Variants in ARID5A observed in about 807,000 individuals in gnomAD.
ARID5A encodes AT-rich interaction domain 5A.
A neutral mutation model predicts 30.5 loss-of-function variants in ARID5A; 14 were observed. The ratio of observed to expected loss-of-function variants is 0.46; its 90% CI spans 0.30 to 0.72. The LOEUF (loss-of-function observed/expected upper bound fraction) is 0.72. Ranked by LOEUF, ARID5A falls within the 30% of genes least tolerant of loss-of-function variation. The probability of loss-of-function intolerance (pLI) is 0.07; values close to 1 mark genes in which losing one functional copy is unlikely to be tolerated. For synonymous variants in ARID5A, 338 were observed against 340.4 expected (o/e 0.99, Z 0.08); for missense variants, 669 against 786.2 (o/e 0.85, Z 1.78).
At chr2:96,542,656 T>C (rs1426270097) in intron 1 of ARID5A, among the ~76,000 whole-genome samples, 4 of 152,236 alleles carry the variant, frequency 2.6e-5, no homozygotes, top group Non-Finnish European at 5.9e-5. Context: ...ATTATGCTCC[T>C]CCAGGTGATT....
In ARID5A at chr2:96,552,451, G is replaced by A; in HGVS notation, c.*138G>A. On this transcript the variant is annotated 3_prime_UTR_variant, in exon 7 of 7. Coordinates refer to ENST00000357485, the MANE Select transcript of ARID5A (RefSeq NM_212481.3). ...CCCCTGGCTGGGCAGCCTGGCACAA[G>A]TGAAGAAGAAGGCAGTGGGAAAACT... The A allele has an allele frequency of 6.5e-7, 1 of 1,547,270 alleles. No individual in the cohort carries two copies. The highest frequency in any genetic ancestry group is 1.2e-5 in the South Asian group (1 of 84,510).
In ARID5A at chr2:96,549,583, G is replaced by C. The variant is rs1258542589; in HGVS notation, c.259+124G>C. 2 of 1,484,312 alleles carry C rather than the reference G, an allele frequency of 1.3e-6. No homozygotes were observed. Among genetic ancestry groups the C allele is most frequent in the Non-Finnish European group, 1.9e-6 (2 of 1,079,152 alleles). 91.9% of individuals were successfully genotyped at this position (1,484,312 alleles called of 1,614,324 possible). On this transcript the variant is annotated intron_variant, in intron 3 of 6. Transcript: ENST00000357485. This position sits in a 1 kb window ranked among gnomAD's most constrained non-coding sequence, Gnocchi z 6.1. ...CAGATAGAAAGGAGGCCTCCCTCCA[G>C]GCTGCCACTGGGCCAGGGGTGCACA...
chr2:96,538,021 G>A (rs2065773038), intron 1 of ARID5A: 2 of 985,402 alleles, frequency 2.0e-6, no homozygotes, highest in African/African-American at 1.7e-5. Context: ...CAGGAGGGGT[G>A]GGAGGTCGGG....
At chr2:96,545,990 C>T (rs1288109112) in intron 1 of ARID5A, among the ~76,000 whole-genome samples, 1 of 151,956 alleles carries the variant, frequency 6.6e-6, no homozygotes, top group Non-Finnish European at 1.5e-5. Context: ...TGGCAAACTT[C>T]ATTGTTGTCT....
rs1378583345 is a variant in ARID5A at position 96,550,235 on chromosome 2, C to T, written c.360C>T (p.Gly120=). Residue 120 remains glycine, a synonymous_variant, in exon 5 of 7, where the codon GGC becomes GGT. Coordinates refer to ENST00000357485, the MANE Select transcript of ARID5A (RefSeq NM_212481.3). This position sits in a 1 kb window ranked among gnomAD's most constrained non-coding sequence, Gnocchi z 6.6. ...AGAACGTGTACGACGAGCTGGGGGG[C>T]AGCCCAGGCAGCACCAGCGCGGCCA... ...LWKNVYDELG[G]SPGSTSAATC... 6.6e-7 allele frequency: 1 copy of T among 1,524,012 alleles called. No individual in the cohort carries two copies. The highest frequency in any genetic ancestry group is 2.1e-5 in the Admixed American group (1 of 47,052). 94.4% of individuals were successfully genotyped at this position (1,524,012 alleles called of 1,614,324 possible). A position where few individuals can be genotyped will look rare whatever the true frequency, so the allele number is the denominator to read the frequency against.
Position 96,550,062 on chromosome 2 carries a change from CT to C in ARID5A, c.313-125del. The C allele has an allele frequency of 6.5e-7, 1 of 1,532,556 alleles. No individual in the cohort carries two copies. Among genetic ancestry groups the C allele is most frequent in the Non-Finnish European group, 8.7e-7 (1 of 1,145,792 alleles). The allele number at this position is 1,532,556 out of a possible 1,614,324, so 94.9% of individuals were successfully genotyped here. A position where few individuals can be genotyped will look rare whatever the true frequency, so the allele number is the denominator to read the frequency against. On this transcript the variant is annotated intron_variant, in intron 4 of 6. Transcript: ENST00000357485. The surrounding 1 kb of genome is among the most constrained non-coding windows in gnomAD (Gnocchi z 6.6). ...CCTAGGAGAGAGAATCGGCTGGCCG[CT>C]GCTGGAGCCGCAGAGCAGCTGCCAA...
Position 96,551,776 on chromosome 2 carries a change from C to A in ARID5A, c.1248C>A (p.Cys416Ter). 6.5e-7 allele frequency: 1 copy of A among 1,537,414 alleles called. No individual in the cohort carries two copies. The change falls in exon 7 of 7, where the codon TGC becomes TGA. Residue 416 changes from cysteine (C) to a stop codon, truncating the protein, a stop_gained. Transcript: ENST00000357485. LOFTEE classifies it low-confidence loss of function (END_TRUNC). Reference sequence around the variant, plus strand: ...TCCTCTACCCCAAGCCCAAAGCCTGCTGGGTGTCCCCCATGGCCAAGGTCC... The same window carrying A: ...TCCTCTACCCCAAGCCCAAAGCCTGATGGGTGTCCCCCATGGCCAAGGTCC... Reference protein sequence around the residue: ...KGILYPKPKACWVSPMAKVPA... With the variant: ...KGILYPKPKA
rs367843863 is a variant in ARID5A at position 96,551,092 on chromosome 2, A to G, written c.571-7A>G. The G allele has an allele frequency of 1.9e-4, 309 of 1,603,682 alleles. 1 individual carries two copies. In the Middle Eastern group the frequency reaches 3.3e-3, roughly 17 times the overall value. ...CAGTCCTGAGGCAAGACTTTCTCTC[A>G]TTCCAGATGATGCCAGGAAAGACCA... On this transcript the variant is annotated splice_region_variant and splice_polypyrimidine_tract_variant and intron_variant, in intron 6 of 6. Coordinates refer to ENST00000357485, the MANE Select transcript of ARID5A (RefSeq NM_212481.3).
chr2:96,544,805 T>C (rs2065898852), intron 1 of ARID5A, among the ~76,000 whole-genome samples: 1 of 152,234 alleles, frequency 6.6e-6, no homozygotes, highest in Non-Finnish European at 1.5e-5. Flanking sequence ...GTAGCTGCCA[T>C]AGATAGTGAT....
rs190947547 is a variant in ARID5A at position 96,548,733 on chromosome 2, C to T, written c.121-588C>T. On this transcript the variant is annotated intron_variant, in intron 2 of 6. Coordinates refer to ENST00000357485, the MANE Select transcript of ARID5A (RefSeq NM_212481.3). ...CAGCAGAGATTGCCCCTCTGGGACC[C>T]GCAACCAAAAGTCCTGTGCCCCTGA... is the stretch of plus-strand genomic sequence containing the variant. 4.5e-3 allele frequency among the ~76,000 whole-genome samples: 685 copies of T among 152,324 alleles called. 5 individuals carry two copies. The highest frequency in any genetic ancestry group is 7.8e-3 in the Non-Finnish European group (529 of 68,034).
Position 96,552,395 on chromosome 2 carries a change from A to G in ARID5A, c.*82A>G, listed in dbSNP as rs773701014. The G allele has an allele frequency of 1.3e-6, 2 of 1,589,862 alleles. No homozygotes were observed. Among genetic ancestry groups the G allele is most frequent in the African/African-American group, 1.4e-5 (1 of 73,958 alleles). On this transcript the variant is annotated 3_prime_UTR_variant, in exon 7 of 7. Coordinates refer to ENST00000357485, the MANE Select transcript of ARID5A (RefSeq NM_212481.3). ...TACTGCTGCCAGGGGGCTCTGAACT[A>G]GTGCCTGCTACCCAGGACACCCGGG...
Position 96,547,508 on chromosome 2 carries a change from C to T in ARID5A, c.111C>T (p.Ile37=). 1 of 1,613,998 alleles carries T rather than the reference C, an allele frequency of 6.2e-7. No homozygotes were observed. Among genetic ancestry groups the T allele is most frequent in the Non-Finnish European group, 8.5e-7 (1 of 1,179,950 alleles). Residue 37 remains isoleucine (I), a synonymous_variant, in exon 2 of 7, where the codon ATC becomes ATT. Coordinates refer to ENST00000357485, the MANE Select transcript of ARID5A (RefSeq NM_212481.3). The part of the protein sequence containing the change: ...AGKQNGIQNP[I]SLEDSPEAGG... ...AGCAGAACGGAATCCAGAACCCCAT[C>T]TCGCTGGAGGTGAGTTGACTCCCTC...
rs569153288 is a variant in ARID5A at position 96,552,475 on chromosome 2, C to T, written c.*162C>T. ...AGTGAAGAAGAAGGCAGTGGGAAAA[C>T]TGGGTTTATCTCAAGGCAGCAGCCT... On this transcript the variant is annotated 3_prime_UTR_variant, in exon 7 of 7. Transcript: ENST00000357485. 162 of 1,538,764 alleles carry T rather than the reference C, an allele frequency of 1.1e-4. No homozygotes were observed. In the African/African-American group the frequency reaches 2.0e-3, roughly 19 times the overall value.
chr2:96,551,861 C>T lies in ARID5A; in HGVS notation c.1333C>T (p.Arg445Cys), dbSNP rs773876068. 13 of 1,591,658 alleles carry T rather than the reference C, an allele frequency of 8.2e-6. No homozygotes were observed. The highest frequency in any genetic ancestry group is 1.1e-5 in the South Asian group (1 of 88,522). ...CAGTAGCCCAGGCCTGGGCAGCAAGCGCAGCCTGGAGGAAGAGGGTGCTGC... is the reference window on the plus strand; with the variant it reads ...CAGTAGCCCAGGCCTGGGCAGCAAGTGCAGCCTGGAGGAAGAGGGTGCTGC... Reference protein sequence around the residue: ...FPSSPGLGSKRSLEEEGAAHS... With the variant: ...FPSSPGLGSKCSLEEEGAAHS... Residue 445 changes from arginine to cysteine, a missense_variant, in exon 7 of 7, where the codon CGC (arginine) becomes TGC (cysteine). This residue lies in a region of ARID5A where 548 missense variants were observed against 577.4 expected (regional missense o/e 0.95). Transcript: ENST00000357485.
At chr2:96,547,305 A>C (rs763701207) in intron 1 of ARID5A, 97 bp from the exon 2 acceptor site, 10 of 1,069,424 alleles carry the variant, frequency 9.4e-6, no homozygotes, top group Non-Finnish European at 1.4e-5. Flanking sequence ...GGCAACTCCA[A>C]TTGGGAGTAG....
At chr2:96,544,657 A>C (rs1175900686) in intron 1 of ARID5A, among the ~76,000 whole-genome samples, 1 of 152,236 alleles carries the variant, frequency 6.6e-6, no homozygotes, top group African/African-American at 2.4e-5. Flanking sequence ...CCGGTCATGC[A>C]AGAGCGCTGA....
Position 96,550,493 on chromosome 2 carries a change from A to AGGGGGCTCAGAGGAGGCTAC in ARID5A, c.411-80_411-61dup. 6.7e-7 allele frequency: 1 copy of AGGGGGCTCAGAGGAGGCTAC among 1,482,806 alleles called. No homozygotes were observed. Among genetic ancestry groups the AGGGGGCTCAGAGGAGGCTAC allele is most frequent in the Non-Finnish European group, 9.0e-7 (1 of 1,113,008 alleles). The allele number at this position is 1,482,806 out of a possible 1,614,324, so 91.9% of individuals were successfully genotyped here. A position where few individuals can be genotyped will look rare whatever the true frequency, so the allele number is the denominator to read the frequency against. On this transcript the variant is annotated intron_variant, in intron 5 of 6. Coordinates refer to ENST00000357485, the MANE Select transcript of ARID5A (RefSeq NM_212481.3). This position sits in a 1 kb window ranked among gnomAD's most constrained non-coding sequence, Gnocchi z 6.6. Reference sequence around the variant, plus strand: ...GGGCCTTCCTCGGCGCCGGCGGGGAAGGGGGCTCAGAGGAGGCTACAGAGG... The same window carrying AGGGGGCTCAGAGGAGGCTAC: ...GGGCCTTCCTCGGCGCCGGCGGGGAAGGGGGCTCAGAGGAGGCTACGGGGGCTCAGAGGAGGCTACAGAGG...
At chr2:96,545,687 GGCTCATGCCTGTAATCCCA>G (rs1368288118) in intron 1 of ARID5A, among the ~76,000 whole-genome samples, 2 of 152,018 alleles carry the variant, frequency 1.3e-5, no homozygotes, top group African/African-American at 4.8e-5. Context: ...CAGGTGCAGT[GGCTCATGCCTGTAATCCCA>G]GCACTTTGGG....
Position 96,537,965 on chromosome 2 carries a change from C to A in ARID5A, c.4+1135C>A, listed in dbSNP as rs976758257. On this transcript the variant is annotated intron_variant, in intron 1 of 6. Coordinates refer to ENST00000357485, the MANE Select transcript of ARID5A (RefSeq NM_212481.3). The surrounding 1 kb of genome is among the most constrained non-coding windows in gnomAD (Gnocchi z 4.8). ...CCACCCGGGCTCCTCTGGTGGGAGC[C>A]CACACGCACGGTGGCGTCACTGCGC... 2.5e-5 allele frequency: 25 copies of A among 985,412 alleles called. No homozygotes were observed. The highest frequency in any genetic ancestry group is 1.2e-4 in the Admixed American group (2 of 16,266). The allele number at this position is 985,412 out of a possible 1,614,324, so 61.0% of individuals were successfully genotyped here. A position where few individuals can be genotyped will look rare whatever the true frequency, so the allele number is the denominator to read the frequency against.
Sources: gnomAD v4.1 joint callset for allele counts (sites outside exome capture counted in the v4.1 genomes callset) on GRCh38, gnomAD v4.1.1 for gene constraint, gnomAD v4.1.1 regional missense constraint, Gnocchi (gnomAD v3.1) non-coding constraint, MANE v1.5 for transcripts, NCBI Gene and HGNC (gene_info 2026-07-23, HGNC 2026-07-21) for gene names.